Variants in CCDC158 observed in about 807,000 individuals in gnomAD.
CCDC158 encodes coiled-coil domain containing 158.
CCDC158 carries 116 observed loss-of-function variants against 138.6 expected under a neutral mutation model. The ratio of observed to expected loss-of-function variants is 0.84; its 90% CI spans 0.72 to 0.98. The LOEUF is 0.98. CCDC158 is among the 50% of genes least tolerant of loss of function. The probability of loss-of-function intolerance (pLI) is 0.00; values close to 1 mark genes in which losing one functional copy is unlikely to be tolerated. For missense variants in CCDC158, 1,265 were observed against 1,306.1 expected (o/e 0.97, Z 0.48); for synonymous variants, 436 against 442.4 (o/e 0.99, Z 0.18).
intron 13 of CCDC158, among the ~76,000 whole-genome samples, chr4:76,360,325 G>T (rs759761644): frequency 2.0e-5 from 3 of 152,244 alleles, no homozygotes; most frequent in East Asian, 3.8e-4. Context: ...GGAAATGTGG[G>T]GTTGGGGCCC....
At chr4:76,411,856 C>A (rs1349263176) in intron 2 of CCDC158, among the ~76,000 whole-genome samples, 1 of 152,160 alleles carries the variant, frequency 6.6e-6, no homozygotes, top group Non-Finnish European at 1.5e-5. Flanking sequence ...CCCAGAGACA[C>A]CTCTATGGAA....
intron 24 of CCDC158, among the ~76,000 whole-genome samples, chr4:76,316,743 T>C (rs1358983776): frequency 6.6e-6 from 1 of 151,938 alleles, no homozygotes; most frequent in Non-Finnish European, 1.5e-5. Context: ...GGAAAACCTA[T>C]CAGATTAACA....
chr4:76,386,196 C>CTTAG (rs780172334), intron 4 of CCDC158, among the ~76,000 whole-genome samples: 2 of 152,172 alleles, frequency 1.3e-5, no homozygotes, highest in Non-Finnish European at 2.9e-5. Flanking sequence ...CATTCCCTAA[C>CTTAG]CCCTGCCATC....
chr4:76,341,792 T>C (rs1170039961), intron 18 of CCDC158, among the ~76,000 whole-genome samples: 1 of 152,220 alleles, frequency 6.6e-6, no homozygotes, highest in Non-Finnish European at 1.5e-5. Context: ...ATAATATTAC[T>C]TTTCTGGTTT....
intron 18 of CCDC158, among the ~76,000 whole-genome samples, chr4:76,339,497 T>C (rs1321350237): frequency 6.6e-6 from 1 of 152,238 alleles, no homozygotes; most frequent in East Asian, 1.9e-4. Flanking sequence ...ACAAGTCTAT[T>C]GATGTTAACA....
At chr4:76,392,018 A>C (rs1221521473) in intron 4 of CCDC158, among the ~76,000 whole-genome samples, 2 of 151,888 alleles carry the variant, frequency 1.3e-5, no homozygotes, top group African/African-American at 4.8e-5. Context: ...CCAGGACCTG[A>C]TGGCTTCACT....
chr4:76,383,335 C>A (rs1260419094), intron 7 of CCDC158, among the ~76,000 whole-genome samples: 1 of 152,098 alleles, frequency 6.6e-6, no homozygotes, highest in African/African-American at 2.4e-5. Flanking sequence ...ACTCTTGATG[C>A]CTTTTCTCAG....
Position 76,369,589 on chromosome 4 carries a change from A to C in CCDC158, c.1184T>G (p.Leu395Arg), listed in dbSNP as rs1280343470. The change falls in exon 11 of 25, where the codon CTG becomes CGG. Residue 395 changes from leucine to arginine, a missense_variant. By Grantham distance (102) the Leu-to-Arg change is moderately radical (BLOSUM62 -2). Transcript: ENST00000682701. ...DLHKREKELS[L>R]EKEQNKRLWD... ...CAGACGCTTATTCTGCTCCTTCTCC[A>C]GACTCAGCTCCTTCTCCCTTTTGTG... The C allele has an allele frequency of 6.2e-7, 1 of 1,614,024 alleles. No individual in the cohort carries two copies. The highest frequency in any genetic ancestry group is 1.3e-5 in the African/African-American group (1 of 74,912).
intron 1 of CCDC158, among the ~76,000 whole-genome samples, 190 bp downstream of exon 1, chr4:76,420,775 G>C (rs1410486648): frequency 2.0e-5 from 3 of 152,116 alleles, no homozygotes; most frequent in African/African-American, 7.2e-5. Context: ...CGTCCCCAGG[G>C]GTCTTGCAAT....
At position 76,321,719 on chromosome 4, in the gene CCDC158, T is replaced by C. The variant is rs1032658019; in HGVS notation, c.3277+1583A>G. Among the ~76,000 whole-genome samples, 3 of 146,764 alleles carry C rather than the reference T, an allele frequency of 2.0e-5. No individual in the cohort carries two copies. The East Asian group carries it at 5.9e-4, about 29-fold the overall frequency. On this transcript the variant is annotated intron_variant, in intron 24 of 24. Coordinates refer to ENST00000682701, the MANE Select transcript of CCDC158 (RefSeq NM_001394954.1). ...GGTGTGTGTATATATATATATGATA[T>C]ATTTACATGGTGTGTACACATATAT...
chr4:76,325,511 G>A (rs934530157), intron 23 of CCDC158, among the ~76,000 whole-genome samples: 1 of 152,124 alleles, frequency 6.6e-6, no homozygotes, highest in Non-Finnish European at 1.5e-5. Flanking sequence ...GGCAGAGACT[G>A]AATAAGAGCT....
chr4:76,319,160 T>C (rs1357657831), intron 24 of CCDC158, among the ~76,000 whole-genome samples: 1 of 151,520 alleles, frequency 6.6e-6, no homozygotes, highest in Non-Finnish European at 1.5e-5. Flanking sequence ...TAGTCCCAGC[T>C]ACTTGGGAGG....
chr4:76,385,431 GA>G (rs1368374958), intron 4 of CCDC158, among the ~76,000 whole-genome samples: 1 of 152,134 alleles, frequency 6.6e-6, no homozygotes, highest in Admixed American at 6.5e-5. Context: ...AGAAATTCAA[GA>G]GACATTATCA....
intron 1 of CCDC158, among the ~76,000 whole-genome samples, chr4:76,416,073 C>A (rs907147200): frequency 6.6e-6 from 1 of 152,202 alleles, no homozygotes; most frequent in African/African-American, 2.4e-5. Context: ...TTTTAGATAG[C>A]AGTAGCAAAT....
chr4:76,319,979 A>C (rs1382706022), intron 24 of CCDC158, among the ~76,000 whole-genome samples: 1 of 152,168 alleles, frequency 6.6e-6, no homozygotes, highest in Non-Finnish European at 1.5e-5. Context: ...GGGCATCCAA[A>C]TGGGTGAAGA....
chr4:76,329,013 CAGTACTAAGATTCATAGATAGAAGCA>C (rs756186951), intron 21 of CCDC158, 46 bp from the exon 22 acceptor site: 1 of 1,450,722 alleles, frequency 6.9e-7, no homozygotes, highest in South Asian at 1.1e-5. Context: ...TTCACAAACA[CAGTACTAAGATTCATAGATAGAAGCA>C]AGTGAACACA....
chr4:76,315,285 A>AG (rs1453320133), intron 24 of CCDC158, among the ~76,000 whole-genome samples: 2 of 152,202 alleles, frequency 1.3e-5, no homozygotes, highest in African/African-American at 4.8e-5. Flanking sequence ...GTCTGAGCTC[A>AG]GACCCACCTA....
intron 4 of CCDC158, among the ~76,000 whole-genome samples, chr4:76,395,398 G>T (rs904318867): frequency 2.0e-5 from 3 of 151,994 alleles, no homozygotes; most frequent in African/African-American, 4.8e-5. Context: ...AGAACAATGT[G>T]GTAATGAGTA....
At chr4:76,354,029 G>C (rs1255141346) in intron 15 of CCDC158, among the ~76,000 whole-genome samples, 5 of 152,154 alleles carry the variant, frequency 3.3e-5, no homozygotes, top group Non-Finnish European at 7.4e-5. Context: ...TTCCTTTTCT[G>C]AGTAGATTAG....
Sources: allele counts gnomAD v4.1 joint callset (sites outside exome capture counted in the v4.1 genomes callset), GRCh38; gene constraint gnomAD v4.1.1; transcripts MANE v1.5; gene names NCBI Gene and HGNC (gene_info 2026-07-23, HGNC 2026-07-21).